The following CRX variants were observed in gnomAD, a reference collection of about 807,000 sequenced individuals.
CRX encodes the protein cone-rod homeobox, also known as cone-rod homeobox protein.
In CRX, 5 loss-of-function variants were observed where a neutral mutation model predicts 13.1. The ratio of observed to expected loss-of-function variants is 0.38; its 90% CI spans 0.20 to 0.80. The LOEUF (loss-of-function observed/expected upper bound fraction) is 0.80, where lower values mean the gene tolerates loss of function less well. Ranked by LOEUF, CRX falls within the 30% of genes least tolerant of loss-of-function variation. The pLI is 0.43. For missense variants in CRX, 351 were observed against 391.8 expected (o/e 0.90, Z 0.88); for synonymous variants, 179 against 171.1 (o/e 1.05, Z -0.36).
chr19:47,826,113 T>G (rs1967972488), intron 1 of CRX, among the ~76,000 whole-genome samples: 1 of 152,144 alleles, frequency 6.6e-6, no homozygotes, highest in Non-Finnish European at 1.5e-5. Flanking sequence ...AGTTTCCTTG[T>G]CTCCACTCTC....
At position 47,840,089 on chromosome 19, in the gene CRX, C is replaced by CCCCTT; in HGVS notation, c.*122_*123insCCCTT. ...AAAGCAACCCGAACCAGCTGTCCTT[C>CCCCTT]TGACAGCTCGGTGTTCAGCTTACAG... On this transcript the variant is annotated 3_prime_UTR_variant, in exon 4 of 4. Coordinates refer to ENST00000221996, the MANE Select transcript of CRX (RefSeq NM_000554.6). 1 of 1,163,814 alleles carries CCCCTT rather than the reference C, an allele frequency of 8.6e-7. No homozygotes were observed. Among genetic ancestry groups the CCCCTT allele is most frequent in the Non-Finnish European group, 1.2e-6 (1 of 805,800 alleles). The allele number at this position is 1,163,814 out of a possible 1,614,324, so 72.1% of individuals were successfully genotyped here.
At position 47,839,273 on chromosome 19, in the gene CRX, G is replaced by A. The variant is rs368577505; in HGVS notation, c.253-47G>A. The A allele has an allele frequency of 9.4e-6, 15 of 1,589,494 alleles. No individual in the cohort carries two copies. The highest frequency in any genetic ancestry group is 3.5e-5 in the Admixed American group (2 of 57,208). ...CCCCGGGCACCCTGCGGCTCTCCTG[G>A]GCCTCTTCCCCACTTACCCACCCCC... On this transcript the variant is annotated intron_variant, in intron 3 of 3. Coordinates refer to ENST00000221996, the MANE Select transcript of CRX (RefSeq NM_000554.6). The surrounding 1 kb of genome is among the most constrained non-coding windows in gnomAD (Gnocchi z 4.6).
In CRX at chr19:47,840,122, C is replaced by T. The variant is rs898162487; in HGVS notation, c.*155C>T. Reference sequence around the variant, plus strand: ...TCGGTGTTCAGCTTACAGAGACCACCCCTTTCCTCCACAGGGAGAGGCTCC... The same window carrying T: ...TCGGTGTTCAGCTTACAGAGACCACTCCTTTCCTCCACAGGGAGAGGCTCC... On this transcript the variant is annotated 3_prime_UTR_variant, in exon 4 of 4. Transcript: ENST00000221996. 5.0e-6 allele frequency: 4 copies of T among 795,824 alleles called. No homozygotes were observed. The highest frequency in any genetic ancestry group is 8.1e-6 in the Non-Finnish European group (4 of 493,436). 49.3% of individuals were successfully genotyped at this position (795,824 alleles called of 1,614,324 possible).
In CRX at chr19:47,839,120, A is replaced by G. The variant is rs1379353239; in HGVS notation, c.253-200A>G. Reference sequence around the variant, plus strand: ...GAATGCACATGGGTATGATGTATGCATGTGTTCATGCACACATGCAGGTAT... The same window carrying G: ...GAATGCACATGGGTATGATGTATGCGTGTGTTCATGCACACATGCAGGTAT... On this transcript the variant is annotated intron_variant, in intron 3 of 3. Coordinates refer to ENST00000221996, the MANE Select transcript of CRX (RefSeq NM_000554.6). The surrounding 1 kb of genome is among the most constrained non-coding windows in gnomAD (Gnocchi z 4.6). Among the ~76,000 whole-genome samples the G allele has an allele frequency of 6.6e-6, 1 of 152,080 alleles. No homozygotes were observed. Among genetic ancestry groups the G allele is most frequent in the Non-Finnish European group, 1.5e-5 (1 of 67,982 alleles).
chr19:47,836,704 G>A (rs930466803), intron 3 of CRX, among the ~76,000 whole-genome samples: 2 of 152,096 alleles, frequency 1.3e-5, no homozygotes, highest in South Asian at 2.1e-4. Flanking sequence ...CGCCTTGTTC[G>A]AGTCTTTGCT....
rs886054551 is a variant in CRX, at chr19:47,840,391, A to ATT, written c.*434_*435dup. On this transcript the variant is annotated 3_prime_UTR_variant, in exon 4 of 4. Transcript: ENST00000221996. ...TAACTTAACTTTCCACGTGGACAGA[A>ATT]TTTTTTTTTTTGTTTTGTTTTTGTT... 5 of 196,090 alleles carry ATT rather than the reference A, an allele frequency of 2.5e-5. No individual in the cohort carries two copies. Among genetic ancestry groups the ATT allele is most frequent in the East Asian group, 2.7e-4 (2 of 7,308 alleles). The allele number at this position is 196,090 out of a possible 1,614,324, so 12.1% of individuals were successfully genotyped here. A position where few individuals can be genotyped will look rare whatever the true frequency, so the allele number is the denominator to read the frequency against.
intron 1 of CRX, among the ~76,000 whole-genome samples, chr19:47,829,828 T>A (rs1274941616): frequency 1.3e-5 from 2 of 150,110 alleles, no homozygotes; most frequent in Non-Finnish European, 3.0e-5. Context: ...GGAGACAGCG[T>A]TTTGCCATGT....
Position 47,840,080 on chromosome 19 carries a change from GCTGTCCTT to G in CRX, c.*117_*124del. 3 of 1,298,756 alleles carry G rather than the reference GCTGTCCTT, an allele frequency of 2.3e-6. No individual in the cohort carries two copies. Among genetic ancestry groups the G allele is most frequent in the Non-Finnish European group, 3.2e-6 (3 of 923,808 alleles). 80.5% of individuals were successfully genotyped at this position (1,298,756 alleles called of 1,614,324 possible). On this transcript the variant is annotated 3_prime_UTR_variant, in exon 4 of 4. Coordinates refer to ENST00000221996, the MANE Select transcript of CRX (RefSeq NM_000554.6). Reference sequence around the variant, plus strand: ...ATTCCTGAGAAAGCAACCCGAACCAGCTGTCCTTCTGACAGCTCGGTGTTCAGCTTACA... The same window carrying G: ...ATTCCTGAGAAAGCAACCCGAACCAGCTGACAGCTCGGTGTTCAGCTTACA...
In CRX at chr19:47,839,533, G is replaced by C; in HGVS notation, c.466G>C (p.Ala156Pro). 1.2e-6 allele frequency: 2 copies of C among 1,613,502 alleles called. No individual in the cohort carries two copies. The highest frequency in any genetic ancestry group is 1.7e-6 in the Non-Finnish European group (2 of 1,179,722). The change falls in exon 4 of 4, where the codon GCA becomes CCA. Residue 156 changes from alanine (A) to proline (P), a missense_variant. Physicochemically the swap from Ala to Pro is conservative, Grantham distance 27. This residue lies in a region of CRX where 253 missense variants were observed against 268.3 expected (regional missense o/e 0.94). Coordinates refer to ENST00000221996, the MANE Select transcript of CRX (RefSeq NM_000554.6). The surrounding 1 kb of genome is among the most constrained non-coding windows in gnomAD (Gnocchi z 4.6). ...LPGPSGSPTT[A>P]VATVSIWSPA... is the part of the protein sequence containing the mutation. The stretch of plus-strand genomic sequence containing the variant: ...CGGCCCCTCAGGCTCCCCAACCACG[G>C]CAGTGGCCACTGTGTCCATCTGGAG...
Position 47,841,438 on chromosome 19 carries a change from A to G in CRX, c.*1471A>G, listed in dbSNP as rs962190363. The stretch of plus-strand genomic sequence containing the variant: ...GGTAGCTGCTTGGGACGTACCACCT[A>G]TAGTTGTGGCTATTTCACAGAGAAG... On this transcript the variant is annotated 3_prime_UTR_variant, in exon 4 of 4. Coordinates refer to ENST00000221996, the MANE Select transcript of CRX (RefSeq NM_000554.6). The G allele has an allele frequency of 6.6e-6, 1 of 152,138 alleles. No individual in the cohort carries two copies. The highest frequency in any genetic ancestry group is 1.5e-5 in the Non-Finnish European group (1 of 68,030). 9.4% of individuals were successfully genotyped at this position (152,138 alleles called of 1,614,324 possible). A position where few individuals can be genotyped will look rare whatever the true frequency, so the allele number is the denominator to read the frequency against.
intron 1 of CRX, among the ~76,000 whole-genome samples, chr19:47,832,531 G>T (rs1968065181): frequency 6.6e-6 from 1 of 151,702 alleles, no homozygotes; most frequent in South Asian, 2.1e-4. Flanking sequence ...CGTAGCCCAG[G>T]CTGGGGTGTG....
intron 1 of CRX, among the ~76,000 whole-genome samples, chr19:47,829,216 A>G (rs1173830030): frequency 6.6e-6 from 1 of 152,144 alleles, no homozygotes; most frequent in African/African-American, 2.4e-5. Flanking sequence ...CCCAGGTTCC[A>G]GAGGGTCTCC....
At chr19:47,823,332 C>A (rs1452063702) in intron 1 of CRX, among the ~76,000 whole-genome samples, 1 of 152,172 alleles carries the variant, frequency 6.6e-6, no homozygotes, top group Non-Finnish European at 1.5e-5. Context: ...CCAAAAGGAA[C>A]GAGCGAGGGC....
At position 47,834,560 on chromosome 19, in the gene CRX, C is replaced by A; in HGVS notation, c.100+17C>A. On this transcript the variant is annotated intron_variant, in intron 2 of 3. Transcript: ENST00000221996. ...CCTACCCAAGTGAGTACAGTCGTTT[C>A]TCTTGGCACCCCAGGCTGGCCTCAT... The A allele has an allele frequency of 6.3e-7, 1 of 1,592,816 alleles. No homozygotes were observed. The highest frequency in any genetic ancestry group is 8.6e-7 in the Non-Finnish European group (1 of 1,164,890).
intron 2 of CRX, among the ~76,000 whole-genome samples, chr19:47,835,238 T>TG (rs112933261): frequency 4.0e-5 from 6 of 150,822 alleles, no homozygotes; most frequent in African/African-American, 2.4e-5. Flanking sequence ...TTTTTTTTTT[T>TG]GTAGAGATTG....
At position 47,840,070 on chromosome 19, in the gene CRX, A is replaced by G. The variant is rs950846511; in HGVS notation, c.*103A>G. 5.0e-6 allele frequency: 7 copies of G among 1,398,330 alleles called. No individual in the cohort carries two copies. In the African/African-American group the frequency reaches 5.7e-5, roughly 11 times the overall value. The allele number at this position is 1,398,330 out of a possible 1,614,324, so 86.6% of individuals were successfully genotyped here. ...CCGGGATGGCATTCCTGAGAAAGCA[A>G]CCCGAACCAGCTGTCCTTCTGACAG... On this transcript the variant is annotated 3_prime_UTR_variant, in exon 4 of 4. Coordinates refer to ENST00000221996, the MANE Select transcript of CRX (RefSeq NM_000554.6).
chr19:47,823,755 T>C (rs1221449134), intron 1 of CRX, among the ~76,000 whole-genome samples: 4 of 151,258 alleles, frequency 2.6e-5, no homozygotes, highest in African/African-American at 9.8e-5. Flanking sequence ...GTTCAAGCGA[T>C]TCTCCTGCCT....
intron 2 of CRX, 61 bp from the exon 3 acceptor site, chr19:47,836,182 T>C: frequency 6.2e-7 from 1 of 1,606,618 alleles, no homozygotes; most frequent in Non-Finnish European, 8.5e-7. Context: ...CCACCCAGCC[T>C]CAGGGCCTCA....
In CRX at chr19:47,836,337, C is replaced by T. The variant is rs757731373; in HGVS notation, c.195C>T (p.Asp65=). 1.1e-5 allele frequency: 17 copies of T among 1,614,084 alleles called. No individual in the cohort carries two copies. The highest frequency in any genetic ancestry group is 5.5e-5 in the South Asian group (5 of 91,096). The change falls in exon 3 of 4, where the codon GAC becomes GAT. Residue 65 remains aspartate, a synonymous_variant. Coordinates refer to ENST00000221996, the MANE Select transcript of CRX (RefSeq NM_000554.6). ...EALFAKTQYP[D]VYAREEVALK... is the part of the protein sequence containing the mutation. ...TGTTTGCCAAGACCCAGTACCCAGACGTCTATGCCCGTGAGGAGGTGGCTC... is the reference window on the plus strand; with the variant it reads ...TGTTTGCCAAGACCCAGTACCCAGATGTCTATGCCCGTGAGGAGGTGGCTC...
Sources: gnomAD v4.1 joint callset for allele counts (sites outside exome capture counted in the v4.1 genomes callset) on GRCh38, gnomAD v4.1.1 for gene constraint, gnomAD v4.1.1 regional missense constraint, Gnocchi (gnomAD v3.1) non-coding constraint, MANE v1.5 for transcripts, NCBI Gene and HGNC (gene_info 2026-07-23, HGNC 2026-07-21) for gene names.